Variants in ARHGAP28 observed in about 807,000 individuals in gnomAD.
ARHGAP28 encodes rho GTPase-activating protein 28.
A neutral mutation model predicts 90.7 loss-of-function variants in ARHGAP28; 56 were observed. That is an observed-to-expected ratio of 0.62 (90% CI 0.50 to 0.77). The LOEUF (loss-of-function observed/expected upper bound fraction) is 0.77. Ranked by LOEUF, ARHGAP28 falls within the 30% of genes least tolerant of loss-of-function variation. The pLI is 0.00. For synonymous variants in ARHGAP28, 308 were observed against 323.3 expected (o/e 0.95, Z 0.51); for missense variants, 869 against 900.9 (o/e 0.96, Z 0.45).
At chr18:6,826,697 T>TTA (rs2056666381) in intron 2 of ARHGAP28, among the ~76,000 whole-genome samples, 1 of 148,906 alleles carries the variant, frequency 6.7e-6, no homozygotes, top group Non-Finnish European at 1.5e-5. Context: ...TTTTTTTTTT[T>TTA]TTTTTTTTTA....
intron 1 of ARHGAP28, among the ~76,000 whole-genome samples, chr18:6,805,408 T>C (rs1240512908): frequency 6.6e-6 from 1 of 152,038 alleles, no homozygotes; most frequent in African/African-American, 2.4e-5. Context: ...TTTTTTATCC[T>C]TTAATTGTAA....
chr18:6,767,609 T>G (rs2056209532), intron 1 of ARHGAP28, among the ~76,000 whole-genome samples: 1 of 152,220 alleles, frequency 6.6e-6, no homozygotes, highest in African/African-American at 2.4e-5. Flanking sequence ...GATCATTTCT[T>G]TCTTTTAACA....
chr18:6,828,217 G>A (rs2056688833), intron 2 of ARHGAP28, among the ~76,000 whole-genome samples: 1 of 152,290 alleles, frequency 6.6e-6, no homozygotes, highest in Non-Finnish European at 1.5e-5. Context: ...CAGGCGTGGC[G>A]GCACGCGCCT....
Position 6,912,351 on chromosome 18 carries a change from C to CTT in ARHGAP28, c.*206_*207dup. The CTT allele has an allele frequency of 4.2e-5, 14 of 331,342 alleles. No individual in the cohort carries two copies. The highest frequency in any genetic ancestry group is 8.5e-5 in the South Asian group (1 of 11,760). The allele number at this position is 331,342 out of a possible 1,614,324, so 20.5% of individuals were successfully genotyped here. On this transcript the variant is annotated 3_prime_UTR_variant, in exon 18 of 18. Transcript: ENST00000383472. The stretch of plus-strand genomic sequence containing the variant: ...CAATTCAACTGAAGCTTTCTCATGA[C>CTT]TTTTTTTTTTATAAAAGTAAAGGAA...
At chr18:6,833,418 C>A in intron 2 of ARHGAP28, among the ~76,000 whole-genome samples, 1 of 151,726 alleles carries the variant, frequency 6.6e-6, no homozygotes, top group East Asian at 1.9e-4. Context: ...AATTGAAAAA[C>A]GTGTTTCTCT....
chr18:6,796,569 T>G (rs1215754124), intron 1 of ARHGAP28, among the ~76,000 whole-genome samples: 1 of 152,146 alleles, frequency 6.6e-6, no homozygotes, highest in Non-Finnish European at 1.5e-5. Context: ...GCTACGAGAT[T>G]GGGTAACCAA....
intron 2 of ARHGAP28, among the ~76,000 whole-genome samples, chr18:6,832,365 A>C (rs1385858660): frequency 6.6e-6 from 1 of 152,036 alleles, no homozygotes; most frequent in African/African-American, 2.4e-5. Context: ...ACTTAAAAAG[A>C]ATGTGTTTTA....
intron 1 of ARHGAP28, among the ~76,000 whole-genome samples, chr18:6,792,665 A>G (rs1452656089): frequency 6.6e-6 from 1 of 152,214 alleles, no homozygotes; most frequent in East Asian, 1.9e-4. Flanking sequence ...CTTCATTCTT[A>G]GAGTTCTGGC....
intron 4 of ARHGAP28, among the ~76,000 whole-genome samples, chr18:6,853,202 T>A (rs928444819): frequency 7.9e-5 from 12 of 152,130 alleles, no homozygotes; most frequent in Non-Finnish European, 1.3e-4. Context: ...TTCAACTATC[T>A]GAATGGACCC....
chr18:6,879,037 T>A (rs609843), intron 10 of ARHGAP28, among the ~76,000 whole-genome samples: 122,248 of 152,096 alleles, frequency 0.8, 49,349 homozygotes, highest in Non-Finnish European at 0.84. Flanking sequence ...TGTGCTTTAA[T>A]TGCTTGGGGA....
intron 9 of ARHGAP28, 141 bp from the exon 10 acceptor site, chr18:6,875,990 G>A (rs1161992154): frequency 1.5e-6 from 1 of 668,614 alleles, no homozygotes; most frequent in African/African-American, 1.8e-5. Context: ...GGATGGTTAT[G>A]AACATTTAAC....
At chr18:6,883,322 TC>T (rs2057194596) in intron 11 of ARHGAP28, among the ~76,000 whole-genome samples, 1 of 150,956 alleles carries the variant, frequency 6.6e-6, no homozygotes, top group Non-Finnish European at 1.5e-5. Context: ...CACAGCAACC[TC>T]CACCCCCGGG....
In ARHGAP28 at chr18:6,914,856, C is replaced by T. The variant is rs867232098; in HGVS notation, c.*2702C>T. Reference sequence around the variant, plus strand: ...TCCTCCATCCTGCAAAAGAAGATCCCTTTGTTAAGCAGCTCACTTGGAAAT... The same window carrying T: ...TCCTCCATCCTGCAAAAGAAGATCCTTTTGTTAAGCAGCTCACTTGGAAAT... On this transcript the variant is annotated 3_prime_UTR_variant, in exon 18 of 18. Transcript: ENST00000383472. 7 of 152,634 alleles carry T rather than the reference C, an allele frequency of 4.6e-5. No homozygotes were observed. The highest frequency in any genetic ancestry group is 6.8e-3 in the Middle Eastern group (2 of 294). 9.5% of individuals were successfully genotyped at this position (152,634 alleles called of 1,614,324 possible).
At chr18:6,879,459 A>T (rs539974763) in intron 10 of ARHGAP28, among the ~76,000 whole-genome samples, 93 of 152,314 alleles carry the variant, frequency 6.1e-4, no homozygotes, top group African/African-American at 2.2e-3. Flanking sequence ...CAGGGGTCAG[A>T]AAAACAGGGC....
At chr18:6,827,085 C>G (rs867170584) in intron 2 of ARHGAP28, among the ~76,000 whole-genome samples, 1 of 152,154 alleles carries the variant, frequency 6.6e-6, no homozygotes, top group African/African-American at 2.4e-5. Flanking sequence ...CCGTGTCTAC[C>G]TCTTTCTACA....
chr18:6,877,439 A>G (rs1389090432), intron 10 of ARHGAP28, among the ~76,000 whole-genome samples: 1 of 152,152 alleles, frequency 6.6e-6, no homozygotes, highest in African/African-American at 2.4e-5. Flanking sequence ...CCCATGCCTC[A>G]CCCCGTCGTG....
chr18:6,754,750 GA>G (rs1485367069), intron 1 of ARHGAP28: 4 of 152,194 alleles, frequency 2.6e-5, no homozygotes, highest in Non-Finnish European at 1.5e-5. Context: ...CTGGGAACCT[GA>G]ATTTGCCAGC....
chr18:6,892,178 A>G (rs1424958829), intron 14 of ARHGAP28, among the ~76,000 whole-genome samples: 1 of 152,196 alleles, frequency 6.6e-6, no homozygotes, highest in Non-Finnish European at 1.5e-5. Flanking sequence ...ATACCAATTC[A>G]GTGTGTTTGA....
intron 1 of ARHGAP28, among the ~76,000 whole-genome samples, chr18:6,745,839 T>C (rs2056018734): frequency 6.6e-6 from 1 of 152,194 alleles, no homozygotes; most frequent in Non-Finnish European, 1.5e-5. Flanking sequence ...ATCCTATTAT[T>C]GTACCCAATT....
Sources: allele counts gnomAD v4.1 joint callset (sites outside exome capture counted in the v4.1 genomes callset), GRCh38; gene constraint gnomAD v4.1.1; transcripts MANE v1.5; gene names NCBI Gene and HGNC (gene_info 2026-07-23, HGNC 2026-07-21).